NRXN3: variants seen among roughly 807,000 people sequenced by gnomAD.
NRXN3 encodes the protein neurexin III.
NRXN3 carries 32 observed loss-of-function variants against 137.6 expected under a neutral mutation model. The ratio of observed to expected loss-of-function variants is 0.23; its 90% CI spans 0.18 to 0.31. The LOEUF is 0.31. Ranked by LOEUF, NRXN3 falls within the 10% of genes least tolerant of loss-of-function variation. NRXN3 has a pLI of 1.00. For missense variants in NRXN3, 1,574 were observed against 2,062.5 expected (o/e 0.76, Z 4.59); for synonymous variants, 798 against 784.5 (o/e 1.02, Z -0.29).
chr14:79,542,040 A>G (rs547898686), intron 16 of NRXN3, among the ~76,000 whole-genome samples: 1 of 152,330 alleles, frequency 6.6e-6, no homozygotes, highest in African/African-American at 2.4e-5. Context: ...AGAAGTAGCA[A>G]TCACTAGCCA....
intron 2 of NRXN3, among the ~76,000 whole-genome samples, chr14:78,256,260 A>G (rs1156867506): frequency 6.6e-6 from 1 of 152,178 alleles, no homozygotes; most frequent in African/African-American, 2.4e-5. Context: ...CTCACTAGAG[A>G]CAGGATAATT....
At chr14:78,989,976 G>A (rs916271282) in intron 15 of NRXN3, among the ~76,000 whole-genome samples, 2 of 152,174 alleles carry the variant, frequency 1.3e-5, no homozygotes, top group Non-Finnish European at 2.9e-5. Context: ...AATCAGGAAG[G>A]ATTCTTTCTA....
chr14:79,136,861 C>A (rs368753839), intron 15 of NRXN3, among the ~76,000 whole-genome samples: 114 of 152,266 alleles, frequency 7.5e-4, no homozygotes, highest in African/African-American at 2.7e-3. Flanking sequence ...GCTTCCAAAG[C>A]TTAGTCATCC....
At chr14:78,592,375 G>A (rs1243412471) in intron 4 of NRXN3, among the ~76,000 whole-genome samples, 1 of 152,118 alleles carries the variant, frequency 6.6e-6, no homozygotes, top group Non-Finnish European at 1.5e-5. Flanking sequence ...GATTCAAGAA[G>A]TTATTATCGT....
chr14:78,508,846 T>C (rs1017723524), intron 4 of NRXN3, among the ~76,000 whole-genome samples: 3 of 152,164 alleles, frequency 2.0e-5, no homozygotes, highest in African/African-American at 7.2e-5. Flanking sequence ...TGTATGTATA[T>C]TTTACCACAA....
intron 1 of NRXN3, among the ~76,000 whole-genome samples, chr14:78,200,692 A>G (rs1595854829): frequency 1.3e-5 from 2 of 152,314 alleles, no homozygotes; most frequent in South Asian, 4.1e-4. Flanking sequence ...TTATTATATA[A>G]TTAAAAGTGT....
intron 20 of NRXN3, among the ~76,000 whole-genome samples, chr14:79,854,857 T>C (rs918943478): frequency 1.3e-4 from 20 of 152,206 alleles, no homozygotes; most frequent in African/African-American, 4.6e-4. Context: ...GATCATACTC[T>C]CACTTTTGCT....
intron 17 of NRXN3, among the ~76,000 whole-genome samples, chr14:79,688,686 A>G (rs1216976703): frequency 6.6e-6 from 1 of 152,122 alleles, no homozygotes; most frequent in Non-Finnish European, 1.5e-5. Context: ...AAAGGTTGGA[A>G]CTATGAACCA....
At chr14:79,042,479 G>A (rs867062495) in intron 15 of NRXN3, among the ~76,000 whole-genome samples, 16 of 152,290 alleles carry the variant, frequency 1.1e-4, no homozygotes, top group Admixed American at 3.9e-4. Flanking sequence ...TGCTGATGAT[G>A]GATCCGGATT....
intron 16 of NRXN3, among the ~76,000 whole-genome samples, chr14:79,541,837 T>A (rs977793817): frequency 3.3e-5 from 5 of 152,178 alleles, no homozygotes; most frequent in Admixed American, 3.3e-4. Flanking sequence ...CCATCATGTC[T>A]CAGCTAGAGG....
intron 15 of NRXN3, among the ~76,000 whole-genome samples, chr14:78,999,697 A>ACAGT (rs2099537496): frequency 6.6e-6 from 1 of 152,180 alleles, no homozygotes; most frequent in Non-Finnish European, 1.5e-5. Flanking sequence ...CTGTTTCTGA[A>ACAGT]CAGTCATTCA....
intron 4 of NRXN3, among the ~76,000 whole-genome samples, chr14:78,462,491 T>A (rs997967253): frequency 6.6e-6 from 1 of 152,166 alleles, no homozygotes; most frequent in African/African-American, 2.4e-5. Context: ...TAAACTGCAA[T>A]GAGGAAAGAC....
At chr14:79,271,282 T>C (rs1344425756) in intron 15 of NRXN3, among the ~76,000 whole-genome samples, 2 of 152,168 alleles carry the variant, frequency 1.3e-5, no homozygotes, top group South Asian at 2.1e-4. Context: ...AAATATGGTC[T>C]TTATTTGACA....
At chr14:79,757,378 G>T (rs7155520) in intron 19 of NRXN3, among the ~76,000 whole-genome samples, 80,407 of 151,894 alleles carry the variant, frequency 0.53, 21,795 homozygotes, top group Middle Eastern at 0.66. Flanking sequence ...TGATGGTCCC[G>T]TCTTGCAGAA....
Position 79,466,946 on chromosome 14 carries a change from A to C in NRXN3, c.3263-275A>C, listed in dbSNP as rs117351804. On this transcript the variant is annotated intron_variant, in intron 15 of 20. Transcript: ENST00000335750. The stretch of plus-strand genomic sequence containing the variant: ...CCCAGGCTCCCAGACTTAGGATGTT[A>C]TTTACCCTCCACCGTTATGCAGCGG... Among the ~76,000 whole-genome samples the C allele has an allele frequency of 2.5e-3, 387 of 152,252 alleles. 7 individuals carry two copies. The East Asian group carries it at 0.064, about 25-fold the overall frequency.
chr14:78,326,578 AG>A (rs1235694374), intron 4 of NRXN3, among the ~76,000 whole-genome samples: 12 of 152,214 alleles, frequency 7.9e-5, no homozygotes, highest in African/African-American at 2.7e-4. Flanking sequence ...AAAGAACAAA[AG>A]GTATACATCG....
intron 15 of NRXN3, among the ~76,000 whole-genome samples, chr14:79,128,626 G>C (rs1437079861): frequency 3.3e-5 from 5 of 152,114 alleles, no homozygotes; most frequent in Non-Finnish European, 5.9e-5. Context: ...AAGGATATTG[G>C]TCTAAAATTC....
intron 20 of NRXN3, among the ~76,000 whole-genome samples, chr14:79,807,976 C>T (rs2099215158): frequency 6.6e-6 from 1 of 152,008 alleles, no homozygotes; most frequent in African/African-American, 2.4e-5. Flanking sequence ...TGGGGATTAC[C>T]TGCTTAGAGC....
intron 4 of NRXN3, among the ~76,000 whole-genome samples, chr14:78,486,869 T>A (rs1053077154): frequency 6.6e-6 from 1 of 152,122 alleles, no homozygotes; most frequent in Non-Finnish European, 1.5e-5. Flanking sequence ...CATGGGCCAA[T>A]GAGATTCTGT....
Sources: gnomAD v4.1 joint callset for allele counts (sites outside exome capture counted in the v4.1 genomes callset) on GRCh38, gnomAD v4.1.1 for gene constraint, MANE v1.5 for transcripts, NCBI Gene and HGNC (gene_info 2026-07-23, HGNC 2026-07-21) for gene names.